Variants in UBE2S observed in about 807,000 individuals in gnomAD.
The protein encoded by UBE2S is ubiquitin conjugating enzyme E2 S, also known as ubiquitin-conjugating enzyme E2 S.
UBE2S carries 3 observed loss-of-function variants against 12.3 expected under a neutral mutation model. The observed-to-expected ratio is 0.24, with a 90% confidence interval of 0.11 to 0.63. The LOEUF (loss-of-function observed/expected upper bound fraction) is 0.63. Among genes scored for constraint, UBE2S ranks in the 30% least tolerant of loss-of-function variants. The pLI, the probability that UBE2S is intolerant of heterozygous loss-of-function variation, is 0.85. For missense variants in UBE2S, 211 were observed against 313.9 expected, an observed-to-expected ratio of 0.67 and a Z score of 2.48; for synonymous variants, 133 against 142.0, an observed-to-expected ratio of 0.94 and a Z score of 0.45.
chr19:55,402,310 C>A (rs12709950), intron 3 of UBE2S, among the ~76,000 whole-genome samples: 104,678 of 152,188 alleles, frequency 0.69, 37,233 homozygotes, highest in African/African-American at 0.82. Context: ...TTTTATCAGA[C>A]ATCCGAAGTT....
Position 55,401,169 on chromosome 19 carries a change from A to T in UBE2S, c.*267T>A, listed in dbSNP as rs2090054745. 1 of 527,440 alleles carries T rather than the reference A, an allele frequency of 1.9e-6. No homozygotes were observed. The highest frequency in any genetic ancestry group is 2.5e-5 in the South Asian group (1 of 40,412). 32.7% of individuals were successfully genotyped at this position (527,440 alleles called of 1,614,324 possible). A position where few individuals can be genotyped will look rare whatever the true frequency, so the allele number is the denominator to read the frequency against. ...CAAGGCTGGTGAGCTAGATGGACCC[A>T]CTGCTGCAGTCCATGAGGCTTTACA... is the stretch of plus-strand genomic sequence containing the variant. On this transcript the variant is annotated 3_prime_UTR_variant, in exon 4 of 4. Coordinates refer to ENST00000264552, the MANE Select transcript of UBE2S (RefSeq NM_014501.3).
intron 1 of UBE2S, 69 bp from the exon 2 acceptor site, chr19:55,407,031 C>G: frequency 6.4e-7 from 1 of 1,558,562 alleles, no homozygotes; most frequent in Non-Finnish European, 8.7e-7. Flanking sequence ...CCTAAAGATG[C>G]TGAGACTGCC....
At chr19:55,402,792 G>A (rs1329592033) in intron 3 of UBE2S, 2 of 631,098 alleles carry the variant, frequency 3.2e-6, no homozygotes, top group Non-Finnish European at 5.4e-6. Flanking sequence ...GGGGAAGGGA[G>A]GCGGTACATG....
chr19:55,400,772 C>A lies in UBE2S; in HGVS notation c.*664G>T, dbSNP rs760242644. ...GTCTGAAGTGGGTGTTGTTTTAAGC[C>A]GCTGGCTTTGTGATCTGTTGTGCAG... On this transcript the variant is annotated 3_prime_UTR_variant, in exon 4 of 4. Transcript: ENST00000264552. 1 of 152,356 alleles carries A rather than the reference C, an allele frequency of 6.6e-6. No homozygotes were observed. Among genetic ancestry groups the A allele is most frequent in the Non-Finnish European group, 1.5e-5 (1 of 68,160 alleles). The allele number at this position is 152,356 out of a possible 1,614,324, so 9.4% of individuals were successfully genotyped here. A position where few individuals can be genotyped will look rare whatever the true frequency, so the allele number is the denominator to read the frequency against.
chr19:55,403,960 C>G (rs1444884364), intron 3 of UBE2S: 1 of 256,768 alleles, frequency 3.9e-6, no homozygotes, highest in South Asian at 3.8e-5. Flanking sequence ...AGGCTGGTCT[C>G]GAACTCCTGA....
rs1396697116 is a variant in UBE2S at position 55,404,198 on chromosome 19, T to G, written c.342+90A>C. 8 of 1,525,902 alleles carry G rather than the reference T, an allele frequency of 5.2e-6. No homozygotes were observed. Among genetic ancestry groups the G allele is most frequent in the Non-Finnish European group, 7.2e-6 (8 of 1,114,892 alleles). The allele number at this position is 1,525,902 out of a possible 1,614,324, so 94.5% of individuals were successfully genotyped here. A position where few individuals can be genotyped will look rare whatever the true frequency, so the allele number is the denominator to read the frequency against. On this transcript the variant is annotated intron_variant, in intron 3 of 3. Coordinates refer to ENST00000264552, the MANE Select transcript of UBE2S (RefSeq NM_014501.3). This position sits in a 1 kb window ranked among gnomAD's most constrained non-coding sequence, Gnocchi z 4.4. ...AACCTTCAACCACTTCAGAGTTGAT[T>G]CAGAAAAACTAAACAAAGCGCTATG...
intron 3 of UBE2S, chr19:55,403,152 AC>A: frequency 1.4e-6 from 1 of 724,448 alleles, no homozygotes; most frequent in Non-Finnish European, 2.5e-6. Flanking sequence ...TGGTCTCCTG[AC>A]AATGCATAAT....
At chr19:55,402,946 G>C (rs1233109858) in intron 3 of UBE2S, 1 of 1,516,682 alleles carries the variant, frequency 6.6e-7, no homozygotes. Context: ...TTTTCAGCTT[G>C]CGGGAAGGGT....
chr19:55,404,252 A>T lies in UBE2S; in HGVS notation c.342+36T>A, dbSNP rs1600321111. 2.5e-6 allele frequency: 4 copies of T among 1,608,362 alleles called. No homozygotes were observed. The highest frequency in any genetic ancestry group is 2.5e-6 in the Non-Finnish European group (3 of 1,176,504). On this transcript the variant is annotated intron_variant, in intron 3 of 3. Transcript: ENST00000264552. The surrounding 1 kb of genome is among the most constrained non-coding windows in gnomAD (Gnocchi z 4.4). ...CAGACACCAGCAGACCTCCAGAGGC[A>T]GGAGGCAGGAGGCCCAGCCCCAGCC... is the stretch of plus-strand genomic sequence containing the variant.
rs369841262 is a variant in UBE2S at position 55,405,284 on chromosome 19, C to T, written c.152-806G>A. The stretch of plus-strand genomic sequence containing the variant: ...CAGCACTTTGGGAGGCTGAGGCGGG[C>T]GGATCACAAGGTCAGGAGTTCGAGA... On this transcript the variant is annotated intron_variant, in intron 2 of 3. Transcript: ENST00000264552. Among the ~76,000 whole-genome samples the T allele has an allele frequency of 7.2e-4, 105 of 146,452 alleles. 1 individual carries two copies. Among genetic ancestry groups the T allele is most frequent in the African/African-American group, 2.5e-3 (96 of 39,110 alleles).
chr19:55,407,267 C>T (rs2090102834), intron 1 of UBE2S, among the ~76,000 whole-genome samples: 1 of 146,338 alleles, frequency 6.8e-6, no homozygotes, highest in Admixed American at 7.1e-5. Flanking sequence ...GATCTACTCT[C>T]TCCCCCTTCT....
intron 3 of UBE2S, chr19:55,402,906 A>T (rs1600319661): frequency 1.3e-6 from 2 of 1,507,800 alleles, no homozygotes; most frequent in Admixed American, 2.1e-5. Flanking sequence ...TGCCCCAGGG[A>T]CTCATTAGAA....
chr19:55,407,129 A>T (rs1332023771), intron 1 of UBE2S, among the ~76,000 whole-genome samples, 167 bp from the exon 2 acceptor site: 1 of 151,552 alleles, frequency 6.6e-6, no homozygotes, highest in Non-Finnish European at 1.5e-5. Flanking sequence ...CAGCCCAGGC[A>T]GAGTTTCCAA....
chr19:55,404,175 C>T lies in UBE2S; in HGVS notation c.342+113G>A. On this transcript the variant is annotated intron_variant, in intron 3 of 3. Transcript: ENST00000264552. This position sits in a 1 kb window ranked among gnomAD's most constrained non-coding sequence, Gnocchi z 4.4. The stretch of plus-strand genomic sequence containing the variant: ...AGCAACATGGATTTTTATGTGGAAA[C>T]CTTCAACCACTTCAGAGTTGATTCA... 6 of 1,369,824 alleles carry T rather than the reference C, an allele frequency of 4.4e-6. No individual in the cohort carries two copies. Among genetic ancestry groups the T allele is most frequent in the Non-Finnish European group, 6.0e-6 (6 of 992,644 alleles). 84.9% of individuals were successfully genotyped at this position (1,369,824 alleles called of 1,614,324 possible).
rs1312646281 is a variant in UBE2S, at chr19:55,401,629, C to G, written c.476G>C (p.Gly159Ala). The G allele has an allele frequency of 6.2e-7, 1 of 1,605,686 alleles. No homozygotes were observed. Among genetic ancestry groups the G allele is most frequent in the East Asian group, 2.2e-5 (1 of 44,706 alleles). Reference sequence around the variant, plus strand: ...GGCTTCGGCCCTGCCGCTGGGCCCGCCGGCGCCCCCGTGGATCTCTGTGAG... The same window carrying G: ...GGCTTCGGCCCTGCCGCTGGGCCCGGCGGCGCCCCCGTGGATCTCTGTGAG... The part of the protein sequence containing the change: ...RLLTEIHGGA[G>A]GPSGRAEAGR... Residue 159 changes from glycine to alanine, a missense_variant, in exon 4 of 4, where the codon GGC (glycine) becomes GCC (alanine). Transcript: ENST00000264552.
chr19:55,402,018 T>C (rs144118801), intron 3 of UBE2S, among the ~76,000 whole-genome samples: 1 of 152,290 alleles, frequency 6.6e-6, no homozygotes, highest in African/African-American at 2.4e-5. Context: ...ATGTCCCTGG[T>C]CCTCCGTGGA....
At chr19:55,401,866 A>T in intron 3 of UBE2S, 104 bp from the exon 4 acceptor site, 2 of 1,237,742 alleles carry the variant, frequency 1.6e-6, no homozygotes, top group Non-Finnish European at 2.3e-6. Context: ...TCTGCTCCCA[A>T]CTCAGCTGCA....
intron 2 of UBE2S, 141 bp downstream of exon 2, chr19:55,406,674 G>T: frequency 1.0e-6 from 1 of 983,088 alleles, no homozygotes; most frequent in Non-Finnish European, 1.5e-6. Context: ...TGTCATTTGT[G>T]GCGTCCTGCC....
rs2090045791 is a variant in UBE2S, at chr19:55,400,035, G to C, written c.*1401C>G. The C allele has an allele frequency of 6.6e-6, 1 of 152,172 alleles. No homozygotes were observed. Among genetic ancestry groups the C allele is most frequent in the Non-Finnish European group, 1.5e-5 (1 of 68,040 alleles). 9.4% of individuals were successfully genotyped at this position (152,172 alleles called of 1,614,324 possible). On this transcript the variant is annotated 3_prime_UTR_variant, in exon 4 of 4. Coordinates refer to ENST00000264552, the MANE Select transcript of UBE2S (RefSeq NM_014501.3). Reference sequence around the variant, plus strand: ...CCCTTAGCTTGGGAGATTGTCACTGGAGGCAAGGGCTCAAGGAAGGGTCAG... The same window carrying C: ...CCCTTAGCTTGGGAGATTGTCACTGCAGGCAAGGGCTCAAGGAAGGGTCAG...
Sources: allele counts gnomAD v4.1 joint callset (sites outside exome capture counted in the v4.1 genomes callset), GRCh38; gene constraint gnomAD v4.1.1; non-coding constraint Gnocchi (gnomAD v3.1); transcripts MANE v1.5; gene names NCBI Gene and HGNC (gene_info 2026-07-23, HGNC 2026-07-21).